The following STK3 variants were observed in gnomAD, a reference collection of about 807,000 sequenced individuals.
The protein encoded by STK3 is serine/threonine-protein kinase 3.
Under a neutral mutation model 58.0 loss-of-function variants are expected in STK3, and 41 were observed. That is an observed-to-expected ratio of 0.71 (90% CI 0.55 to 0.92). STK3 has a LOEUF of 0.92. Among genes scored for constraint, STK3 ranks in the 40% least tolerant of loss-of-function variants. The pLI, the probability that STK3 is intolerant of heterozygous loss-of-function variation, is 0.00. For synonymous variants in STK3, 170 were observed against 191.0 expected, an observed-to-expected ratio of 0.89 and a Z score of 0.91; for missense variants, 479 against 602.7, an observed-to-expected ratio of 0.79 and a Z score of 2.15.
intron 1 of STK3, among the ~76,000 whole-genome samples, chr8:98,787,966 T>C (rs1832573308): frequency 6.6e-6 from 1 of 151,730 alleles, no homozygotes; most frequent in African/African-American, 2.4e-5. Flanking sequence ...AGAAAACACA[T>C]CAAAACAGAA....
chr8:98,471,155 A>G (rs770878240), intron 10 of STK3, among the ~76,000 whole-genome samples: 4 of 152,100 alleles, frequency 2.6e-5, no homozygotes, highest in African/African-American at 4.8e-5. Context: ...TATCAGATCA[A>G]TGGTATCGGA....
At chr8:98,368,474 C>T (rs901470528), downstream of STK3, among the ~76,000 whole-genome samples, 2 of 152,156 alleles carry the variant, frequency 1.3e-5, no homozygotes, top group Non-Finnish European at 2.9e-5. Flanking sequence ...CATAAAGGGG[C>T]CCCCGTTCCT....
At chr8:98,872,034 T>C (rs540972168) in intron 3 of STK3, among the ~76,000 whole-genome samples, 4 of 152,222 alleles carry the variant, frequency 2.6e-5, no homozygotes, top group African/African-American at 9.6e-5. Context: ...CCTAGTTTAT[T>C]GAGAGTTTTT....
intron 3 of STK3, among the ~76,000 whole-genome samples, chr8:98,869,303 C>T (rs898376040): frequency 6.6e-6 from 1 of 152,216 alleles, no homozygotes; most frequent in Admixed American, 6.5e-5. Context: ...CACCTGTAAT[C>T]TCAGCTATTC....
intron 6 of STK3, among the ~76,000 whole-genome samples, chr8:98,654,389 C>T (rs1027179608): frequency 6.6e-6 from 1 of 152,066 alleles, no homozygotes; most frequent in Non-Finnish European, 1.5e-5. Context: ...ACTGAATGGG[C>T]AAAAACTGGA....
intron 8 of STK3, among the ~76,000 whole-genome samples, chr8:98,552,221 T>C (rs563240390): frequency 6.6e-6 from 1 of 152,106 alleles, no homozygotes; most frequent in South Asian, 2.1e-4. Flanking sequence ...ACTTGGAGCA[T>C]GAAAATAGCC....
chr8:98,353,123 C>T, the STK3 span, among the ~76,000 whole-genome samples: 1 of 152,100 alleles, frequency 6.6e-6, no homozygotes, highest in Non-Finnish European at 1.5e-5. Flanking sequence ...TTGTTTCATG[C>T]ATAAAATTAT....
chr8:98,723,098 G>A (rs1827554339), intron 4 of STK3: 2 of 238,828 alleles, frequency 8.4e-6, no homozygotes, highest in Admixed American at 1.1e-4. Context: ...TTTCATTTAG[G>A]TCACTATACA....
intron 1 of STK3, among the ~76,000 whole-genome samples, chr8:98,791,351 C>T (rs983096644): frequency 2.4e-4 from 37 of 152,286 alleles, no homozygotes; most frequent in East Asian, 1.4e-3. Flanking sequence ...ACATCCCATG[C>T]TCATTGATGG....
At chr8:98,706,359 A>G in intron 6 of STK3, 108 bp downstream of exon 6, 1 of 1,156,160 alleles carries the variant, frequency 8.6e-7, no homozygotes, top group Non-Finnish European at 1.2e-6. Flanking sequence ...ATTTTTAAAA[A>G]GAATACATTT....
At chr8:98,680,146 G>A (rs1823526698) in intron 6 of STK3, among the ~76,000 whole-genome samples, 1 of 152,118 alleles carries the variant, frequency 6.6e-6, no homozygotes, top group African/African-American at 2.4e-5. Context: ...CTATGCACCT[G>A]AGTATCTGTT....
At chr8:98,735,990 GC>G (rs1265186872) in intron 4 of STK3, among the ~76,000 whole-genome samples, 2 of 151,662 alleles carry the variant, frequency 1.3e-5, no homozygotes, top group Non-Finnish European at 2.9e-5. Context: ...AAACTGTCAA[GC>G]AATAAAACAT....
chr8:98,523,523 C>T (rs1586771968), intron 10 of STK3, among the ~76,000 whole-genome samples: 1 of 151,932 alleles, frequency 6.6e-6, no homozygotes, highest in South Asian at 2.1e-4. Context: ...TACAAGCATG[C>T]ACCACCACAC....
intron 3 of STK3, among the ~76,000 whole-genome samples, chr8:98,845,546 A>G (rs1369652947): frequency 6.6e-6 from 1 of 152,240 alleles, no homozygotes; most frequent in Admixed American, 6.5e-5. Flanking sequence ...GCCTGAGGCC[A>G]ATCTGATATT....
chr8:98,508,384 T>C (rs1824253242), intron 10 of STK3, among the ~76,000 whole-genome samples: 1 of 152,156 alleles, frequency 6.6e-6, no homozygotes, highest in Admixed American at 6.6e-5. Flanking sequence ...TCATATTGTA[T>C]GATTCTACTT....
intron 10 of STK3, among the ~76,000 whole-genome samples, chr8:98,457,102 G>T (rs750497063): frequency 6.6e-6 from 1 of 152,186 alleles, no homozygotes; most frequent in Non-Finnish European, 1.5e-5. Context: ...CGGTGCATAA[G>T]AAGTTCTGGT....
At chr8:98,641,697 C>T (rs571361354) in intron 6 of STK3, among the ~76,000 whole-genome samples, 1 of 152,146 alleles carries the variant, frequency 6.6e-6, no homozygotes, top group Admixed American at 6.5e-5. Context: ...TGCAACTTAT[C>T]ATATAATGCT....
intron 1 of STK3, among the ~76,000 whole-genome samples, chr8:98,790,879 G>T (rs1342635996): frequency 6.6e-6 from 1 of 152,110 alleles, no homozygotes; most frequent in Non-Finnish European, 1.5e-5. Context: ...AGCTACTTGG[G>T]AGGCTGAGGC....
At chr8:98,792,724 T>C (rs987060838) in intron 1 of STK3, among the ~76,000 whole-genome samples, 1 of 151,904 alleles carries the variant, frequency 6.6e-6, no homozygotes, top group Non-Finnish European at 1.5e-5. Flanking sequence ...GAACTAAAAG[T>C]AAAACTACCA....
Sources: allele counts gnomAD v4.1 joint callset (sites outside exome capture counted in the v4.1 genomes callset), GRCh38; gene constraint gnomAD v4.1.1; transcripts MANE v1.5; gene names NCBI Gene and HGNC (gene_info 2026-07-23, HGNC 2026-07-21).